The following CMKLR2 variants were observed in gnomAD, a reference collection of about 807,000 sequenced individuals.
The protein encoded by CMKLR2 is chemerin chemokine-like receptor 2, also known as chemerin-like receptor 2.
A neutral mutation model predicts 23.0 loss-of-function variants in CMKLR2; 18 were observed. That is an observed-to-expected ratio of 0.78 (90% CI 0.54 to 1.16). The LOEUF (loss-of-function observed/expected upper bound fraction) is 1.16. Among genes scored for constraint, CMKLR2 ranks in the 50% most tolerant of loss-of-function variants. The probability of loss-of-function intolerance (pLI) is 0.00; values close to 1 mark genes in which losing one functional copy is unlikely to be tolerated. For synonymous variants in CMKLR2, 158 were observed against 158.9 expected (o/e 0.99, Z 0.05); for missense variants, 401 against 412.7 (o/e 0.97, Z 0.25).
intron 1 of CMKLR2, among the ~76,000 whole-genome samples, chr2:206,207,023 G>A (rs1040556131): frequency 2.7e-5 from 4 of 150,328 alleles, no homozygotes; most frequent in African/African-American, 9.8e-5. Context: ...CCACTTCCTT[G>A]GACCAGCACT....
At chr2:206,194,311 G>T (rs1489280467) in intron 1 of CMKLR2, among the ~76,000 whole-genome samples, 1 of 152,070 alleles carries the variant, frequency 6.6e-6, no homozygotes, top group Non-Finnish European at 1.5e-5. Flanking sequence ...TTTTCTCCTA[G>T]GAGGAGATAC....
intron 1 of CMKLR2, among the ~76,000 whole-genome samples, chr2:206,182,800 A>G (rs1322534490): frequency 6.6e-6 from 1 of 152,014 alleles, no homozygotes; most frequent in Non-Finnish European, 1.5e-5. Flanking sequence ...TTGTATTTTT[A>G]GTAGAAACAA....
chr2:206,176,736 G>T lies in CMKLR2; in HGVS notation c.512C>A (p.Pro171His), dbSNP rs138788057. The T allele has an allele frequency of 6.2e-7, 1 of 1,614,048 alleles. No homozygotes were observed. The highest frequency in any genetic ancestry group is 1.3e-5 in the African/African-American group (1 of 74,914). Residue 171 changes from proline to histidine, a missense_variant, in exon 2 of 2, where the codon CCT becomes CAT. Physicochemically the swap from Pro to His is moderately conservative, Grantham distance 77. Coordinates refer to ENST00000621141, the MANE Select transcript of CMKLR2 (RefSeq NM_001389445.1). ...CACAGTGTCCCGGAAGTACAGGGCAGGACCGCCAATTAGAGAAGCCAAAAG... is the reference window on the plus strand; with the variant it reads ...CACAGTGTCCCGGAAGTACAGGGCATGACCGCCAATTAGAGAAGCCAAAAG... Reference protein sequence around the residue: ...IWLLASLIGGPALYFRDTVEF... With the variant: ...IWLLASLIGGHALYFRDTVEF...
Position 206,176,619 on chromosome 2 carries a change from T to A in CMKLR2, c.629A>T (p.Lys210Ile). 1 of 1,614,100 alleles carries A rather than the reference T, an allele frequency of 6.2e-7. No individual in the cohort carries two copies. Among genetic ancestry groups the A allele is most frequent in the Non-Finnish European group, 8.5e-7 (1 of 1,180,032 alleles). ...LIRHHVLTWV[K>I]FIIGYLFPLL... ...AGGGAAGAGATAGCCAATGATAAAT[T>A]TCACCCAAGTCAGAACATGGTGCCT... The change falls in exon 2 of 2, where the codon AAA (lysine) becomes ATA (isoleucine). Residue 210 changes from lysine to isoleucine, a missense_variant. Physicochemically the swap from Lys to Ile is moderately radical, Grantham distance 102. Transcript: ENST00000621141.
intron 1 of CMKLR2, among the ~76,000 whole-genome samples, chr2:206,196,378 AT>A (rs1688920761): frequency 6.7e-6 from 1 of 149,416 alleles, no homozygotes; most frequent in Non-Finnish European, 1.5e-5. Context: ...TCTCAAAAAA[AT>A]AAATAAAAAT....
intron 1 of CMKLR2, among the ~76,000 whole-genome samples, chr2:206,178,018 G>A (rs1688287363): frequency 6.6e-6 from 1 of 152,180 alleles, no homozygotes; most frequent in African/African-American, 2.4e-5. Context: ...GCTCACACCT[G>A]TAATCCCAGC....
At chr2:206,180,979 T>C (rs1463530491) in intron 1 of CMKLR2, among the ~76,000 whole-genome samples, 2 of 151,644 alleles carry the variant, frequency 1.3e-5, no homozygotes, top group Non-Finnish European at 2.9e-5. Context: ...GGTCTTGAAC[T>C]CCTGACGTCA....
At chr2:206,182,573 A>C (rs1688448345) in intron 1 of CMKLR2, among the ~76,000 whole-genome samples, 1 of 152,046 alleles carries the variant, frequency 6.6e-6, no homozygotes, top group Admixed American at 6.6e-5. Context: ...AGATTTTGTG[A>C]GTTCACCCCT....
intron 1 of CMKLR2, among the ~76,000 whole-genome samples, chr2:206,206,859 G>T (rs184868407): frequency 6.7e-6 from 1 of 149,788 alleles, no homozygotes; most frequent in Non-Finnish European, 1.5e-5. Flanking sequence ...CTGGAGAAGA[G>T]AATTTGAGTT....
intron 1 of CMKLR2, among the ~76,000 whole-genome samples, chr2:206,190,578 G>C (rs543713181): frequency 1.3e-5 from 2 of 152,304 alleles, no homozygotes; most frequent in East Asian, 1.9e-4. Flanking sequence ...AATCTTTCAG[G>C]AAGCTTAGCT....
intron 1 of CMKLR2, among the ~76,000 whole-genome samples, chr2:206,208,223 A>C (rs955264003): frequency 2.0e-5 from 3 of 152,178 alleles, no homozygotes; most frequent in Non-Finnish European, 4.4e-5. Flanking sequence ...AGAAGAAGGA[A>C]GTGCTTCCTC....
At chr2:206,179,553 T>C (rs1688345421) in intron 1 of CMKLR2, among the ~76,000 whole-genome samples, 1 of 151,392 alleles carries the variant, frequency 6.6e-6, no homozygotes, top group African/African-American at 2.4e-5. Flanking sequence ...ATGGTCTCGA[T>C]CTCTTGACCT....
At chr2:206,189,633 TA>T (rs1688688627) in intron 1 of CMKLR2, among the ~76,000 whole-genome samples, 1 of 141,056 alleles carries the variant, frequency 7.1e-6, no homozygotes, top group Non-Finnish European at 1.5e-5. Flanking sequence ...AGACTTCATC[TA>T]AAAAGAAAAA....
chr2:206,180,149 AT>A (rs1688364589), intron 1 of CMKLR2, among the ~76,000 whole-genome samples: 1 of 152,034 alleles, frequency 6.6e-6, no homozygotes. Context: ...TTATAATAAA[AT>A]GATAGTCAAT....
At chr2:206,196,461 A>G (rs765996722) in intron 1 of CMKLR2, among the ~76,000 whole-genome samples, 4 of 152,190 alleles carry the variant, frequency 2.6e-5, no homozygotes, top group Non-Finnish European at 4.4e-5. Context: ...ATAAATCTAC[A>G]TTCCTTTTCT....
upstream of CMKLR2, among the ~76,000 whole-genome samples, chr2:206,214,411 C>T (rs1475812221): frequency 6.6e-6 from 1 of 151,764 alleles, no homozygotes; most frequent in East Asian, 2.0e-4. Context: ...TGACCCACCT[C>T]GGTCTCCCAA....
upstream of CMKLR2, among the ~76,000 whole-genome samples, chr2:206,215,835 G>A (rs2105851081): frequency 6.6e-6 from 1 of 152,306 alleles, no homozygotes; most frequent in East Asian, 1.9e-4. Context: ...GCTGTTTGGT[G>A]CATTGGTTAA....
At chr2:206,184,583 C>G (rs1158371437) in intron 1 of CMKLR2, among the ~76,000 whole-genome samples, 6 of 152,110 alleles carry the variant, frequency 3.9e-5, no homozygotes, top group African/African-American at 1.2e-4. Context: ...GTGTGAGCCA[C>G]CGTGCCCAAC....
At chr2:206,182,687 T>C (rs554269339) in intron 1 of CMKLR2, among the ~76,000 whole-genome samples, 1 of 152,142 alleles carries the variant, frequency 6.6e-6, no homozygotes, top group East Asian at 1.9e-4. Flanking sequence ...AGTGGCGTGA[T>C]CTCGGCTCAT....
Sources: allele counts gnomAD v4.1 joint callset (sites outside exome capture counted in the v4.1 genomes callset), GRCh38; gene constraint gnomAD v4.1.1; transcripts MANE v1.5; gene names NCBI Gene and HGNC (gene_info 2026-07-23, HGNC 2026-07-21).